The following NRXN3 variants were observed in gnomAD, a reference collection of about 807,000 sequenced individuals.
NRXN3 encodes neurexin III.
Under a neutral mutation model 137.6 loss-of-function variants are expected in NRXN3, and 32 were observed. The observed-to-expected ratio is 0.23, with a 90% confidence interval of 0.18 to 0.31. NRXN3 has a LOEUF of 0.31. NRXN3 is among the 10% of genes least tolerant of loss of function. The probability of loss-of-function intolerance (pLI) is 1.00; values close to 1 mark genes in which losing one functional copy is unlikely to be tolerated. For missense variants in NRXN3, 1,574 were observed against 2,062.5 expected (o/e 0.76, Z 4.59); for synonymous variants, 798 against 784.5 (o/e 1.02, Z -0.29).
At chr14:78,668,485 T>C (rs1040738944) in intron 6 of NRXN3, among the ~76,000 whole-genome samples, 2 of 152,160 alleles carry the variant, frequency 1.3e-5, no homozygotes, top group African/African-American at 4.8e-5. Flanking sequence ...GGAGACTCTT[T>C]TAGTTGTTGA....
chr14:78,631,416 A>G (rs1206367560), intron 4 of NRXN3, among the ~76,000 whole-genome samples: 1 of 152,204 alleles, frequency 6.6e-6, no homozygotes, highest in Non-Finnish European at 1.5e-5. Flanking sequence ...GGGATCTCCT[A>G]CCACAGTTGA....
At chr14:78,958,540 A>G (rs2099401532) in intron 11 of NRXN3, among the ~76,000 whole-genome samples, 2 of 152,024 alleles carry the variant, frequency 1.3e-5, no homozygotes, top group Admixed American at 1.3e-4. Flanking sequence ...TATTTTTAGT[A>G]GAGATGGCGT....
intron 4 of NRXN3, among the ~76,000 whole-genome samples, chr14:78,612,549 T>A (rs1341217649): frequency 1.3e-5 from 2 of 152,178 alleles, no homozygotes; most frequent in Non-Finnish European, 2.9e-5. Flanking sequence ...CAAAATTTTG[T>A]ATGGATAAGG....
At chr14:78,991,548 A>G (rs1009659310) in intron 15 of NRXN3, among the ~76,000 whole-genome samples, 1 of 152,240 alleles carries the variant, frequency 6.6e-6, no homozygotes, top group Non-Finnish European at 1.5e-5. Flanking sequence ...TCCTCAATTA[A>G]TGAACATGAA....
intron 6 of NRXN3, among the ~76,000 whole-genome samples, chr14:78,686,772 C>T (rs1267736192): frequency 6.6e-6 from 1 of 152,084 alleles, no homozygotes; most frequent in African/African-American, 2.4e-5. Flanking sequence ...TCAGCAGAAC[C>T]CTTGATGCTT....
chr14:78,834,434 T>A (rs567291505), intron 10 of NRXN3, among the ~76,000 whole-genome samples: 2 of 152,058 alleles, frequency 1.3e-5, no homozygotes, highest in Non-Finnish European at 2.9e-5. Flanking sequence ...AAAGAAAGAA[T>A]GCAAGTAATG....
chr14:79,352,249 G>A (rs904405244), intron 15 of NRXN3, among the ~76,000 whole-genome samples: 58 of 152,126 alleles, frequency 3.8e-4, no homozygotes, highest in African/African-American at 1.3e-3. Context: ...AAAATGCAGC[G>A]TCTGGCTAAT....
chr14:79,396,000 G>C (rs556268524), intron 15 of NRXN3, among the ~76,000 whole-genome samples: 1 of 152,044 alleles, frequency 6.6e-6, no homozygotes, highest in Admixed American at 6.5e-5. Flanking sequence ...AAATAAATTT[G>C]CACACATATA....
chr14:79,779,610 T>C (rs2140060586), intron 19 of NRXN3, among the ~76,000 whole-genome samples: 1 of 152,308 alleles, frequency 6.6e-6, no homozygotes, highest in Non-Finnish European at 1.5e-5. Context: ...AACTTTTCTC[T>C]GAGGATACTG....
intron 3 of NRXN3, among the ~76,000 whole-genome samples, chr14:78,281,879 A>G (rs2074456648): frequency 6.6e-6 from 1 of 152,154 alleles, no homozygotes; most frequent in East Asian, 1.9e-4. Flanking sequence ...CCTGCCTTTC[A>G]CATGACAGAG....
chr14:79,389,224 A>G (rs1472351014), intron 15 of NRXN3, among the ~76,000 whole-genome samples: 2 of 152,160 alleles, frequency 1.3e-5, no homozygotes, highest in Non-Finnish European at 2.9e-5. Flanking sequence ...ACAGAGATTT[A>G]TTTCTTATAG....
At chr14:79,840,419 T>C (rs900167603) in intron 20 of NRXN3, among the ~76,000 whole-genome samples, 1 of 151,916 alleles carries the variant, frequency 6.6e-6, no homozygotes, top group Non-Finnish European at 1.5e-5. Context: ...ATTCTCATTA[T>C]GCAATTATGA....
At chr14:78,764,857 G>A (rs1357729784) in intron 8 of NRXN3, among the ~76,000 whole-genome samples, 1 of 152,180 alleles carries the variant, frequency 6.6e-6, no homozygotes, top group Non-Finnish European at 1.5e-5. Flanking sequence ...TCCCTGATCA[G>A]TCTATTTGGC....
intron 15 of NRXN3, among the ~76,000 whole-genome samples, chr14:79,175,293 T>C (rs1250519796): frequency 6.6e-6 from 1 of 152,170 alleles, no homozygotes; most frequent in Non-Finnish European, 1.5e-5. Context: ...ATTTCTTTTT[T>C]AAAAGACCTG....
chr14:78,288,901 C>A (rs1182325423), intron 3 of NRXN3, among the ~76,000 whole-genome samples: 21 of 152,196 alleles, frequency 1.4e-4, no homozygotes, highest in Admixed American at 1.4e-3. Flanking sequence ...TAGGAAGAAA[C>A]CCTTTCTGTT....
At chr14:79,622,252 A>G (rs1481195565) in intron 16 of NRXN3, among the ~76,000 whole-genome samples, 3 of 152,218 alleles carry the variant, frequency 2.0e-5, no homozygotes, top group Non-Finnish European at 4.4e-5. Context: ...CTTCTGACCT[A>G]TTAATGTTAG....
chr14:79,266,110 G>C (rs971855422), intron 15 of NRXN3, among the ~76,000 whole-genome samples: 1 of 152,128 alleles, frequency 6.6e-6, no homozygotes, highest in African/African-American at 2.4e-5. Flanking sequence ...CTATAGGAGA[G>C]AGTCAGTGGT....
Position 79,781,696 on chromosome 14 carries a change from C to T in NRXN3, c.4015-23416C>T, listed in dbSNP as rs57494631. Among the ~76,000 whole-genome samples, 234 of 152,334 alleles carry T rather than the reference C, an allele frequency of 1.5e-3. 1 individual carries two copies. Among genetic ancestry groups the T allele is most frequent in the East Asian group, 3.3e-3 (17 of 5,182 alleles). ...ATTTTGTGTGACTCAGGATACGAAT[C>T]AAACCTACTGTTGTGGAAGCAGCTT... On this transcript the variant is annotated intron_variant, in intron 19 of 20. Transcript: ENST00000335750.
intron 16 of NRXN3, among the ~76,000 whole-genome samples, chr14:79,522,974 C>CTT (rs145679072): frequency 2.7e-5 from 4 of 147,292 alleles, no homozygotes; most frequent in Middle Eastern, 3.2e-3. Context: ...CTTCTCAATT[C>CTT]TTTTTTTTGG....
Sources: gnomAD v4.1 joint callset for allele counts (sites outside exome capture counted in the v4.1 genomes callset) on GRCh38, gnomAD v4.1.1 for gene constraint, MANE v1.5 for transcripts, NCBI Gene and HGNC (gene_info 2026-07-23, HGNC 2026-07-21) for gene names.